EPHA5: variants seen among roughly 807,000 people sequenced by gnomAD.
EPHA5 encodes the protein EPH receptor A5.
EPHA5 carries 60 observed loss-of-function variants against 105.0 expected under a neutral mutation model. The ratio of observed to expected loss-of-function variants is 0.57; its 90% CI spans 0.46 to 0.71. EPHA5 has a LOEUF of 0.71. Ranked by LOEUF, EPHA5 falls within the 30% of genes least tolerant of loss-of-function variation. The pLI is 0.00. For missense variants in EPHA5, 1,218 were observed against 1,274.7 expected (o/e 0.96, Z 0.68); for synonymous variants, 513 against 449.1 (o/e 1.14, Z -1.80).
intron 8 of EPHA5, among the ~76,000 whole-genome samples, chr4:65,381,110 T>C (rs1322126227): frequency 6.6e-6 from 1 of 150,726 alleles, no homozygotes; most frequent in Non-Finnish European, 1.5e-5. Context: ...TTTTAAGTGA[T>C]ATTACTATAT....
At chr4:65,519,675 A>G (rs1212064016) in intron 3 of EPHA5, among the ~76,000 whole-genome samples, 2 of 152,186 alleles carry the variant, frequency 1.3e-5, no homozygotes, top group African/African-American at 4.8e-5. Context: ...CAACTTCAGC[A>G]AAGTCTCAGG....
At chr4:65,600,737 C>G (rs1743638584) in intron 3 of EPHA5, among the ~76,000 whole-genome samples, 1 of 152,032 alleles carries the variant, frequency 6.6e-6, no homozygotes, top group Non-Finnish European at 1.5e-5. Flanking sequence ...ATGATGAAAA[C>G]AAGTTCAGGA....
intron 8 of EPHA5, among the ~76,000 whole-genome samples, chr4:65,389,985 C>G (rs1344898480): frequency 6.6e-6 from 1 of 152,004 alleles, no homozygotes; most frequent in African/African-American, 2.4e-5. Context: ...AAAAACTACA[C>G]TAAACTTTCA....
At chr4:65,501,980 C>T (rs956285810) in intron 3 of EPHA5, among the ~76,000 whole-genome samples, 1 of 151,276 alleles carries the variant, frequency 6.6e-6, no homozygotes, top group African/African-American at 2.4e-5. Flanking sequence ...TTTACAAAGC[C>T]AACAAAAATA....
At chr4:65,623,933 A>G (rs1745919476) in intron 2 of EPHA5, among the ~76,000 whole-genome samples, 1 of 152,228 alleles carries the variant, frequency 6.6e-6, no homozygotes, top group African/African-American at 2.4e-5. Context: ...AATAAATTTA[A>G]CAATGAAAAT....
intron 16 of EPHA5, among the ~76,000 whole-genome samples, chr4:65,326,210 G>C (rs532046421): frequency 1.3e-5 from 2 of 150,836 alleles, no homozygotes; most frequent in Admixed American, 1.3e-4. Flanking sequence ...TCCTTTTATG[G>C]ATGAGGAAAC....
At chr4:65,512,394 T>C (rs1733709278) in intron 3 of EPHA5, among the ~76,000 whole-genome samples, 1 of 152,174 alleles carries the variant, frequency 6.6e-6, no homozygotes, top group East Asian at 1.9e-4. Flanking sequence ...TCAAATCTCA[T>C]GTTCAATTGT....
At chr4:65,541,535 C>T (rs546949972) in intron 3 of EPHA5, among the ~76,000 whole-genome samples, 21 of 151,920 alleles carry the variant, frequency 1.4e-4, no homozygotes, top group Non-Finnish European at 2.8e-4. Context: ...GGAAACAATT[C>T]AACAAGAAGA....
At chr4:65,391,770 T>G (rs1208229529) in intron 8 of EPHA5, among the ~76,000 whole-genome samples, 1 of 152,146 alleles carries the variant, frequency 6.6e-6, no homozygotes, top group East Asian at 1.9e-4. Flanking sequence ...TTTGAGCAAA[T>G]GGAGCTTTAG....
intron 3 of EPHA5, among the ~76,000 whole-genome samples, chr4:65,552,608 C>T (rs1738026637): frequency 6.6e-6 from 1 of 152,102 alleles, no homozygotes; most frequent in Non-Finnish European, 1.5e-5. Context: ...CAACTCCTCA[C>T]ATAAAGGTAA....
chr4:65,409,250 T>G (rs1722679392), intron 7 of EPHA5, among the ~76,000 whole-genome samples: 1 of 121,364 alleles, frequency 8.2e-6, no homozygotes, highest in African/African-American at 3.1e-5. Context: ...AGATGACGAG[T>G]TAGTGGGTGC....
At chr4:65,626,890 G>A (rs540215478) in intron 2 of EPHA5, among the ~76,000 whole-genome samples, 1 of 152,190 alleles carries the variant, frequency 6.6e-6, no homozygotes, top group East Asian at 1.9e-4. Flanking sequence ...AATTAAAAGG[G>A]AATTGATTTC....
intron 3 of EPHA5, among the ~76,000 whole-genome samples, chr4:65,555,209 T>A (rs1738308885): frequency 6.6e-6 from 1 of 151,930 alleles, no homozygotes; most frequent in Admixed American, 6.6e-5. Context: ...GCAATGGATA[T>A]GTGTGTTCAG....
intron 11 of EPHA5, among the ~76,000 whole-genome samples, chr4:65,361,517 A>T (rs1717318150): frequency 1.3e-5 from 2 of 151,618 alleles, no homozygotes; most frequent in African/African-American, 4.8e-5. Flanking sequence ...TAAAGTGGAA[A>T]GTGACAAAAT....
intron 3 of EPHA5, among the ~76,000 whole-genome samples, chr4:65,564,273 AG>A (rs1235490327): frequency 2.0e-5 from 3 of 151,906 alleles, no homozygotes; most frequent in Admixed American, 6.6e-5. Flanking sequence ...TTAACCCAAA[AG>A]ATGCTTTGAC....
intron 1 of EPHA5, among the ~76,000 whole-genome samples, chr4:65,662,936 A>G (rs2149553348): frequency 6.6e-6 from 1 of 152,258 alleles, no homozygotes; most frequent in East Asian, 1.9e-4. Flanking sequence ...CAACAATTAA[A>G]GGCATGAACA....
chr4:65,560,567 A>T (rs1446140701), intron 3 of EPHA5, among the ~76,000 whole-genome samples: 1 of 152,030 alleles, frequency 6.6e-6, no homozygotes, highest in Non-Finnish European at 1.5e-5. Flanking sequence ...CTTATATTTC[A>T]TTTGCCCATC....
intron 3 of EPHA5, among the ~76,000 whole-genome samples, chr4:65,572,342 A>AT (rs1189077076): frequency 2.0e-5 from 3 of 152,096 alleles, no homozygotes; most frequent in Non-Finnish European, 2.9e-5. Flanking sequence ...TATTTCAGTG[A>AT]TTTTATCCCC....
intron 8 of EPHA5, among the ~76,000 whole-genome samples, chr4:65,387,780 T>C (rs1486624557): frequency 1.3e-5 from 2 of 151,924 alleles, no homozygotes; most frequent in African/African-American, 4.8e-5. Flanking sequence ...GTTTATTACA[T>C]ATTTGTCCAT....
Sources: gnomAD v4.1 joint callset for allele counts (sites outside exome capture counted in the v4.1 genomes callset) on GRCh38, gnomAD v4.1.1 for gene constraint, MANE v1.5 for transcripts, NCBI Gene and HGNC (gene_info 2026-07-23, HGNC 2026-07-21) for gene names.